NMNAT2: variants seen among roughly 807,000 people sequenced by gnomAD.
NMNAT2 encodes nicotinamide/nicotinic acid mononucleotide adenylyltransferase 2.
Under a neutral mutation model 41.6 loss-of-function variants are expected in NMNAT2, and 11 were observed. The ratio of observed to expected loss-of-function variants is 0.26; its 90% CI spans 0.17 to 0.44. NMNAT2 has a LOEUF of 0.44. Among genes scored for constraint, NMNAT2 ranks in the 20% least tolerant of loss-of-function variants. NMNAT2 has a pLI of 1.00. For missense variants in NMNAT2, 288 were observed against 407.7 expected (o/e 0.71, Z 2.53); for synonymous variants, 148 against 151.2 (o/e 0.98, Z 0.16).
chr1:183,404,697 T>A lies in NMNAT2; in HGVS notation c.85+13486A>T, dbSNP rs995074011. On this transcript the variant is annotated intron_variant, in intron 1 of 10. Transcript: ENST00000287713. ...GATGTGAGAAAGATGTGAAAGACAG[T>A]GCTTTACAAGCAATGCTTTAAAGGC... Among the ~76,000 whole-genome samples the A allele has an allele frequency of 2.6e-5, 4 of 152,316 alleles. No individual in the cohort carries two copies. The South Asian group carries it at 8.3e-4, about 32-fold the overall frequency.
At chr1:183,281,800 G>T (rs1661276750) in intron 7 of NMNAT2, among the ~76,000 whole-genome samples, 1 of 152,214 alleles carries the variant, frequency 6.6e-6, no homozygotes, top group Non-Finnish European at 1.5e-5. Context: ...GGAGCTAGGA[G>T]AAAATGGCTT....
At chr1:183,403,074 C>G (rs915939557) in intron 1 of NMNAT2, among the ~76,000 whole-genome samples, 2 of 151,938 alleles carry the variant, frequency 1.3e-5, no homozygotes, top group Admixed American at 6.6e-5. Flanking sequence ...GCTGGGATTA[C>G]AGATGCCTGC....
At chr1:183,395,932 T>A (rs182540003) in intron 1 of NMNAT2, among the ~76,000 whole-genome samples, 1 of 152,294 alleles carries the variant, frequency 6.6e-6, no homozygotes, top group Admixed American at 6.5e-5. Context: ...CCCTTCTAGA[T>A]TTGGTCCCAG....
intron 1 of NMNAT2, among the ~76,000 whole-genome samples, chr1:183,393,559 CTATT>C (rs1390929137): frequency 6.6e-6 from 1 of 151,966 alleles, no homozygotes; most frequent in Non-Finnish European, 1.5e-5. Context: ...CCTAATTTGG[CTATT>C]TATTTATTTA....
intron 8 of NMNAT2, among the ~76,000 whole-genome samples, chr1:183,268,742 T>G (rs1190250332): frequency 6.6e-6 from 1 of 152,112 alleles, no homozygotes; most frequent in African/African-American, 2.4e-5. Context: ...AATAAATATA[T>G]AAATAAGAAA....
At chr1:183,330,555 G>A (rs1439590302) in intron 1 of NMNAT2, among the ~76,000 whole-genome samples, 1 of 152,140 alleles carries the variant, frequency 6.6e-6, no homozygotes, top group Non-Finnish European at 1.5e-5. Context: ...TTCACTAGGT[G>A]AGAACATTGT....
intron 1 of NMNAT2, among the ~76,000 whole-genome samples, chr1:183,389,280 C>T (rs1313515440): frequency 6.6e-6 from 1 of 152,148 alleles, no homozygotes; most frequent in Admixed American, 6.5e-5. Context: ...CACTTGTCAT[C>T]TCTGTTGAGC....
chr1:183,340,577 GC>G (rs1662776714), intron 1 of NMNAT2, among the ~76,000 whole-genome samples: 1 of 152,174 alleles, frequency 6.6e-6, no homozygotes, highest in Admixed American at 6.5e-5. Context: ...GCCTGCCTCA[GC>G]CTCCCAAAGT....
chr1:183,252,810 C>T (rs1660427019), intron 10 of NMNAT2, 67 bp from the exon 11 acceptor site: 2 of 1,110,620 alleles, frequency 1.8e-6, no homozygotes, highest in Non-Finnish European at 1.4e-6. Context: ...GACTGGCATG[C>T]CCCTGTCTCC....
chr1:183,332,066 A>C lies in NMNAT2; in HGVS notation c.86-38273T>G, dbSNP rs557633465. Among the ~76,000 whole-genome samples, 18 of 152,360 alleles carry C rather than the reference A, an allele frequency of 1.2e-4. No individual in the cohort carries two copies. In the South Asian group the frequency reaches 3.3e-3, roughly 28 times the overall value. On this transcript the variant is annotated intron_variant, in intron 1 of 10. Transcript: ENST00000287713. ...CCAAAGTGCTGGGATTACAGGCATGAACCACCATGCCTGGCCTCCATGTTG... is the reference window on the plus strand; with the variant it reads ...CCAAAGTGCTGGGATTACAGGCATGCACCACCATGCCTGGCCTCCATGTTG...
intron 1 of NMNAT2, chr1:183,304,956 C>T (rs1168607980): frequency 8.6e-6 from 10 of 1,162,368 alleles, no homozygotes; most frequent in South Asian, 8.0e-5. Flanking sequence ...GCTGAGAGAA[C>T]CTCTCATATG....
intron 1 of NMNAT2, among the ~76,000 whole-genome samples, chr1:183,301,815 A>G (rs577943900): frequency 2.6e-4 from 40 of 152,366 alleles, no homozygotes; most frequent in Admixed American, 1.6e-3. Context: ...CCTGGCTGAC[A>G]TGTGTAATCT....
chr1:183,284,120 CA>C, intron 6 of NMNAT2, 81 bp from the exon 7 acceptor site: 2 of 1,232,098 alleles, frequency 1.6e-6, no homozygotes, highest in Non-Finnish European at 1.2e-6. Context: ...AGGGCCTCAG[CA>C]GGAATTATTG....
chr1:183,327,055 TATG>T (rs1401535454), intron 1 of NMNAT2, among the ~76,000 whole-genome samples: 74 of 145,830 alleles, frequency 5.1e-4, no homozygotes, highest in East Asian at 2.6e-3. Context: ...TGTATGTATG[TATG>T]TATTTATTTT....
In NMNAT2 at chr1:183,251,719, G is replaced by A. The variant is rs146569197; in HGVS notation, c.*922C>T. On this transcript the variant is annotated 3_prime_UTR_variant, in exon 11 of 11. Transcript: ENST00000287713. ...AAATGAGGATGGACTGGCTCTGTGT[G>A]ATCATAAGCTCAGAGCATCAGGGAA... is the stretch of plus-strand genomic sequence containing the variant. The A allele has an allele frequency of 1.2e-4, 19 of 153,082 alleles. No homozygotes were observed. The highest frequency in any genetic ancestry group is 4.6e-4 in the African/African-American group (19 of 41,546). The allele number at this position is 153,082 out of a possible 1,614,324, so 9.5% of individuals were successfully genotyped here. A position where few individuals can be genotyped will look rare whatever the true frequency, so the allele number is the denominator to read the frequency against.
chr1:183,275,050 G>A (rs1366637806), intron 8 of NMNAT2, among the ~76,000 whole-genome samples: 1 of 152,178 alleles, frequency 6.6e-6, no homozygotes, highest in Non-Finnish European at 1.5e-5. Flanking sequence ...CCCCAGGTGG[G>A]TGTGGAGCAG....
chr1:183,417,105 G>C (rs980525758), intron 1 of NMNAT2, among the ~76,000 whole-genome samples: 2 of 152,194 alleles, frequency 1.3e-5, no homozygotes, highest in East Asian at 1.9e-4. Flanking sequence ...TGACCTCCGC[G>C]TCCCTCTTTC....
intron 1 of NMNAT2, among the ~76,000 whole-genome samples, chr1:183,414,099 C>T (rs1026498781): frequency 2.0e-5 from 3 of 152,122 alleles, no homozygotes; most frequent in Non-Finnish European, 4.4e-5. Context: ...AGATGCTAGA[C>T]TTTGGTAATT....
chr1:183,340,202 C>T (rs1571607581), intron 1 of NMNAT2, among the ~76,000 whole-genome samples: 2 of 152,326 alleles, frequency 1.3e-5, no homozygotes, highest in East Asian at 3.9e-4. Flanking sequence ...TACTGGCAAG[C>T]ACAGCCTCTC....
Sources: allele counts gnomAD v4.1 joint callset (sites outside exome capture counted in the v4.1 genomes callset), GRCh38; gene constraint gnomAD v4.1.1; transcripts MANE v1.5; gene names NCBI Gene and HGNC (gene_info 2026-07-23, HGNC 2026-07-21).